ST6GAL1: variants seen among roughly 807,000 people sequenced by gnomAD.
ST6GAL1 encodes the protein ST6 beta-galactoside alpha-2,6-sialyltransferase 1, also known as beta-galactoside alpha-2,6-sialyltransferase 1.
Under a neutral mutation model 38.0 loss-of-function variants are expected in ST6GAL1, and 20 were observed. The observed-to-expected ratio is 0.53, with a 90% CI of 0.37 to 0.77. The LOEUF (loss-of-function observed/expected upper bound fraction) is 0.77. ST6GAL1 is among the 30% of genes least tolerant of loss of function. The pLI is 0.00. For synonymous variants in ST6GAL1, 196 were observed against 188.2 expected (o/e 1.04, Z -0.34); for missense variants, 432 against 496.4 (o/e 0.87, Z 1.23).
intron 1 of ST6GAL1, among the ~76,000 whole-genome samples, chr3:186,958,632 T>C (rs553218202): frequency 4.0e-4 from 61 of 152,274 alleles, no homozygotes; most frequent in Non-Finnish European, 7.8e-4. Context: ...TTAAAAATCA[T>C]TGGTGTGTGT....
intron 1 of ST6GAL1, among the ~76,000 whole-genome samples, chr3:186,948,420 C>T (rs1236494228): frequency 1.3e-5 from 2 of 152,160 alleles, no homozygotes; most frequent in African/African-American, 2.4e-5. Flanking sequence ...CAGACCTCTG[C>T]TCTGAGCTAG....
At chr3:186,965,202 G>A (rs931828747) in intron 2 of ST6GAL1, among the ~76,000 whole-genome samples, 3 of 152,108 alleles carry the variant, frequency 2.0e-5, no homozygotes, top group Non-Finnish European at 4.4e-5. Context: ...TTTCCTTCCC[G>A]GAAAAGTCAC....
intron 2 of ST6GAL1, among the ~76,000 whole-genome samples, chr3:186,978,061 A>G (rs376926027): frequency 1.2e-4 from 19 of 152,116 alleles, no homozygotes; most frequent in African/African-American, 2.9e-4. Context: ...AAATACAAAA[A>G]TTAGCCAGGC....
chr3:186,971,814 C>T (rs1715359481), intron 2 of ST6GAL1, among the ~76,000 whole-genome samples: 1 of 152,214 alleles, frequency 6.6e-6, no homozygotes, highest in African/African-American at 2.4e-5. Context: ...GTGCCAACAT[C>T]TCTACTTACT....
intron 2 of ST6GAL1, among the ~76,000 whole-genome samples, chr3:186,988,429 C>T (rs1009284985): frequency 2.6e-5 from 4 of 151,912 alleles, no homozygotes; most frequent in South Asian, 2.1e-4. Context: ...ATGCCAGAAT[C>T]GAGATTCCCT....
chr3:187,075,714 T>C lies in ST6GAL1; in HGVS notation c.1132T>C (p.Leu378=). ...CCACCCGCTGCTCTATGAGAAGAAT[T>C]TGGTGAAGCATCTCAACCAGGGCAC... ...AYHPLLYEKN[L]VKHLNQGTDE... The change falls in exon 8 of 8, where the codon TTG becomes CTG. Residue 378 remains leucine (L), a synonymous_variant. Transcript: ENST00000169298. This position sits in a 1 kb window ranked among gnomAD's most constrained non-coding sequence, Gnocchi z 4.1. 1 of 1,614,222 alleles carries C rather than the reference T, an allele frequency of 6.2e-7. No homozygotes were observed. The highest frequency in any genetic ancestry group is 8.5e-7 in the Non-Finnish European group (1 of 1,180,044).
intron 2 of ST6GAL1, among the ~76,000 whole-genome samples, chr3:187,020,748 G>A (rs552994620): frequency 6.6e-6 from 1 of 152,314 alleles, no homozygotes; most frequent in Admixed American, 6.5e-5. Flanking sequence ...ATGAGTTACT[G>A]TAGCTTAGAG....
chr3:187,038,058 A>G (rs1373809944), intron 2 of ST6GAL1, among the ~76,000 whole-genome samples: 1 of 152,006 alleles, frequency 6.6e-6, no homozygotes, highest in South Asian at 2.1e-4. Flanking sequence ...GAAAATCTGT[A>G]TGAAGTTTAT....
At chr3:186,970,984 C>A (rs562096265) in intron 2 of ST6GAL1, among the ~76,000 whole-genome samples, 15 of 152,346 alleles carry the variant, frequency 9.8e-5, no homozygotes, top group South Asian at 2.1e-4. Flanking sequence ...ACGGCCAAAC[C>A]ATTTCCTAGA....
chr3:187,023,244 A>G (rs757704546), intron 2 of ST6GAL1, among the ~76,000 whole-genome samples: 1 of 151,946 alleles, frequency 6.6e-6, no homozygotes, highest in Non-Finnish European at 1.5e-5. Flanking sequence ...TTAAATCTCC[A>G]CCTCACCCAC....
intron 2 of ST6GAL1, among the ~76,000 whole-genome samples, chr3:186,982,245 C>G (rs2108538220): frequency 6.6e-6 from 1 of 152,320 alleles, no homozygotes; most frequent in South Asian, 2.1e-4. Context: ...TGATACAGAG[C>G]AAAGCTATGT....
chr3:187,039,762 G>T (rs942516769), intron 3 of ST6GAL1, among the ~76,000 whole-genome samples: 13 of 152,210 alleles, frequency 8.5e-5, no homozygotes, highest in Non-Finnish European at 2.9e-5. Flanking sequence ...AGATGAGAAA[G>T]GGTCTTGCAG....
At chr3:187,022,292 G>A (rs1717345431) in intron 2 of ST6GAL1, among the ~76,000 whole-genome samples, 1 of 152,050 alleles carries the variant, frequency 6.6e-6, no homozygotes, top group Non-Finnish European at 1.5e-5. Flanking sequence ...CATCTTCTGT[G>A]TTGATTGTTG....
At chr3:186,935,371 GTA>G (rs34815046) in intron 1 of ST6GAL1, among the ~76,000 whole-genome samples, 44,326 of 151,500 alleles carry the variant, frequency 0.29, 6,688 homozygotes, top group Admixed American at 0.32. Context: ...GTATTCCATA[GTA>G]TATATATATA....
chr3:187,060,274 C>T (rs533707776), intron 5 of ST6GAL1, among the ~76,000 whole-genome samples: 78 of 152,264 alleles, frequency 5.1e-4, no homozygotes, highest in African/African-American at 1.9e-3. Context: ...GATTCCCCTG[C>T]CTCAGCCTCC....
rs1193365039 is a variant in ST6GAL1, at chr3:187,075,872, G to A, written c.*69G>A. 1 of 1,589,462 alleles carries A rather than the reference G, an allele frequency of 6.3e-7. No individual in the cohort carries two copies. The highest frequency in any genetic ancestry group is 8.6e-7 in the Non-Finnish European group (1 of 1,167,314). On this transcript the variant is annotated 3_prime_UTR_variant, in exon 8 of 8. Coordinates refer to ENST00000169298, the MANE Select transcript of ST6GAL1 (RefSeq NM_173216.2). This position sits in a 1 kb window ranked among gnomAD's most constrained non-coding sequence, Gnocchi z 4.1. ...TCTCTTGGCCACCCCAGCCTGGGAA[G>A]AACATTTTCCTGAACAATTCCAGCC...
At chr3:187,050,629 A>G (rs554202084) in intron 4 of ST6GAL1, among the ~76,000 whole-genome samples, 10 of 151,982 alleles carry the variant, frequency 6.6e-5, no homozygotes, top group African/African-American at 2.4e-4. Context: ...GAAAAGAGAG[A>G]GAGGAAGGAA....
At chr3:187,057,798 C>T (rs942948600) in intron 5 of ST6GAL1, among the ~76,000 whole-genome samples, 36 of 152,304 alleles carry the variant, frequency 2.4e-4, no homozygotes, top group African/African-American at 8.2e-4. Flanking sequence ...GTTCAAACAC[C>T]GTGCTGGGAG....
At chr3:187,049,089 C>T (rs1379713476) in intron 4 of ST6GAL1, among the ~76,000 whole-genome samples, 2 of 152,078 alleles carry the variant, frequency 1.3e-5, no homozygotes, top group African/African-American at 4.8e-5. Flanking sequence ...TGGGGTTTCA[C>T]CATGTTGGTC....
Sources: gnomAD v4.1 joint callset for allele counts (sites outside exome capture counted in the v4.1 genomes callset) on GRCh38, gnomAD v4.1.1 for gene constraint, Gnocchi (gnomAD v3.1) non-coding constraint, MANE v1.5 for transcripts, NCBI Gene and HGNC (gene_info 2026-07-23, HGNC 2026-07-21) for gene names.